Variants in CFAP44 observed in about 807,000 individuals in gnomAD.
The protein encoded by CFAP44 is cilia and flagella associated protein 44.
Under a neutral mutation model 216.2 loss-of-function variants are expected in CFAP44, and 134 were observed. That is an observed-to-expected ratio of 0.62 (90% CI 0.54 to 0.72). The LOEUF (loss-of-function observed/expected upper bound fraction) is 0.72, where lower values mean the gene tolerates loss of function less well. CFAP44 is among the 30% of genes least tolerant of loss of function. The pLI is 0.00. For missense variants in CFAP44, 2,035 were observed against 2,182.1 expected (o/e 0.93, Z 1.34); for synonymous variants, 700 against 727.6 (o/e 0.96, Z 0.61).
chr3:113,392,849 CT>C (rs748396974), intron 15 of CFAP44, among the ~76,000 whole-genome samples: 1 of 152,182 alleles, frequency 6.6e-6, no homozygotes, highest in Non-Finnish European at 1.5e-5. Flanking sequence ...TCAAAATTGT[CT>C]TCACAAAAAT....
chr3:113,402,071 T>C (rs1485275297), intron 9 of CFAP44, among the ~76,000 whole-genome samples: 2 of 152,206 alleles, frequency 1.3e-5, no homozygotes, highest in Non-Finnish European at 2.9e-5. Flanking sequence ...CATAGGAGTA[T>C]ATGGTTCAGT....
At chr3:113,383,211 T>C (rs1933559986) in intron 15 of CFAP44, among the ~76,000 whole-genome samples, 1 of 152,224 alleles carries the variant, frequency 6.6e-6, no homozygotes, top group Non-Finnish European at 1.5e-5. Context: ...GCTTCTATAA[T>C]AGAATACCAT....
intron 22 of CFAP44, among the ~76,000 whole-genome samples, chr3:113,348,230 C>A (rs1010343646): frequency 1.3e-5 from 2 of 151,984 alleles, no homozygotes; most frequent in African/African-American, 4.8e-5. Flanking sequence ...AAACCGCGGG[C>A]GGTTTTTCCT....
At chr3:113,293,003 T>A (rs1949845004) in intron 34 of CFAP44, among the ~76,000 whole-genome samples, 1 of 152,236 alleles carries the variant, frequency 6.6e-6, no homozygotes, top group African/African-American at 2.4e-5. Flanking sequence ...ATATGGGCTC[T>A]GGCATCATGG....
chr3:113,316,401 CA>C (rs1400641055), intron 28 of CFAP44, among the ~76,000 whole-genome samples: 1 of 151,856 alleles, frequency 6.6e-6, no homozygotes, highest in African/African-American at 2.4e-5. Context: ...TAAAATAAAC[CA>C]AAAGCAAGCA....
chr3:113,427,519 T>C (rs1934994990), intron 2 of CFAP44, 180 bp from the exon 3 acceptor site: 1 of 510,390 alleles, frequency 2.0e-6, no homozygotes, highest in Non-Finnish European at 3.4e-6. Flanking sequence ...AAGAAAGCCT[T>C]TTCTGTTTGT....
intron 13 of CFAP44, among the ~76,000 whole-genome samples, chr3:113,398,562 T>C (rs1195710263): frequency 2.6e-5 from 4 of 152,192 alleles, no homozygotes; most frequent in Admixed American, 2.6e-4. Flanking sequence ...AGACTTCAGT[T>C]AAGAGTGTAA....
chr3:113,287,105 G>C lies in CFAP44; in HGVS notation c.*4452C>G, dbSNP rs2399476. ...AACAGGAGTCACCCAGGAAAGCACC[G>C]CACAGGCTGGCGCGGGACAGACTCC... On this transcript the variant is annotated 3_prime_UTR_variant, in exon 35 of 35. Transcript: ENST00000393845. 1 of 523,330 alleles carries C rather than the reference G, an allele frequency of 1.9e-6. No individual in the cohort carries two copies. Among genetic ancestry groups the C allele is most frequent in the East Asian group, 5.1e-5 (1 of 19,524 alleles). The allele number at this position is 523,330 out of a possible 1,614,324, so 32.4% of individuals were successfully genotyped here.
chr3:113,409,234 C>T lies in CFAP44; in HGVS notation c.762G>A (p.Leu254=), dbSNP rs1934383511. The change falls in exon 7 of 35, where the codon CTG becomes CTA. Residue 254 remains leucine (L), a synonymous_variant. Coordinates refer to ENST00000393845, the MANE Select transcript of CFAP44 (RefSeq NM_001164496.2). ...ASVGSNPDYT[L]TIWNWKEEQP... ...GTTCTTCTTTCCAGTTCCAGATAGT[C>T]AGTGTGTAGTCAGGGTTACTACCAA... 6.2e-7 allele frequency: 1 copy of T among 1,614,134 alleles called. No homozygotes were observed. The highest frequency in any genetic ancestry group is 8.5e-7 in the Non-Finnish European group (1 of 1,180,028).
chr3:113,330,475 T>C lies in CFAP44; in HGVS notation c.3809A>G (p.Gln1270Arg). Residue 1270 changes from glutamine (Q) to arginine (R), a missense_variant, in exon 26 of 35, where the codon CAG becomes CGG. Physicochemically the swap from Gln to Arg is conservative, Grantham distance 43. Transcript: ENST00000393845. ...ATTTAGGAGAGTTTCTTCATCATAC[T>C]GAAATCTCTTTTCTGGAACTTCTTC... ...HPEEVPEKRF[Q>R]YDEETLLNFK... 1 of 1,537,250 alleles carries C rather than the reference T, an allele frequency of 6.5e-7. No individual in the cohort carries two copies. The highest frequency in any genetic ancestry group is 8.7e-7 in the Non-Finnish European group (1 of 1,146,876).
intron 15 of CFAP44, 66 bp from the exon 16 acceptor site, chr3:113,381,126 T>A: frequency 8.6e-7 from 1 of 1,166,696 alleles, no homozygotes. Context: ...TTAAAGAGAT[T>A]ATAAATAAAA....
At chr3:113,398,829 T>C (rs1934060671) in intron 13 of CFAP44, among the ~76,000 whole-genome samples, 2 of 152,242 alleles carry the variant, frequency 1.3e-5, no homozygotes, top group Non-Finnish European at 2.9e-5. Context: ...TTTAAAAATA[T>C]GGCTGCAAAT....
intron 7 of CFAP44, among the ~76,000 whole-genome samples, chr3:113,408,250 AAG>A (rs1466952843): frequency 1.3e-5 from 2 of 152,196 alleles, no homozygotes; most frequent in African/African-American, 4.8e-5. Context: ...AAGTGGAAGA[AAG>A]AGAGAGAAAG....
Position 113,291,565 on chromosome 3 carries a change from C to G in CFAP44, c.5557G>C (p.Asp1853His), listed in dbSNP as rs2107783591. ...SPREKEIQPA[D>H]L is the part of the protein sequence containing the mutation. Reference sequence around the variant, plus strand: ...TTGAGAAAATAGCAAACTCAAAGGTCTGCGGGCTGTATCTCTTTCTCTCGT... The same window carrying G: ...TTGAGAAAATAGCAAACTCAAAGGTGTGCGGGCTGTATCTCTTTCTCTCGT... Residue 1853 changes from aspartate (D) to histidine (H), a missense_variant, in exon 35 of 35, where the codon GAC becomes CAC. Coordinates refer to ENST00000393845, the MANE Select transcript of CFAP44 (RefSeq NM_001164496.2). 1.3e-6 allele frequency: 2 copies of G among 1,537,064 alleles called. No individual in the cohort carries two copies. The highest frequency in any genetic ancestry group is 2.4e-5 in the South Asian group (2 of 84,042).
intron 5 of CFAP44, among the ~76,000 whole-genome samples, chr3:113,419,549 AGTATCTTT>A (rs1934750695): frequency 1.3e-5 from 2 of 152,236 alleles, no homozygotes; most frequent in African/African-American, 4.8e-5. Context: ...CAAACATGAT[AGTATCTTT>A]CACTCCATAT....
At chr3:113,424,414 C>A (rs112542272) in intron 4 of CFAP44, among the ~76,000 whole-genome samples, 2 of 152,052 alleles carry the variant, frequency 1.3e-5, no homozygotes, top group Admixed American at 1.3e-4. Flanking sequence ...CCAGCCTGGA[C>A]GACAGAGCAA....
intron 11 of CFAP44, among the ~76,000 whole-genome samples, 181 bp downstream of exon 11, chr3:113,401,059 T>C (rs772465600): frequency 1.2e-4 from 18 of 152,164 alleles, no homozygotes; most frequent in Non-Finnish European, 2.4e-4. Context: ...TGTTATGAGA[T>C]AGATTCTTTT....
At chr3:113,399,689 T>C (rs948900803) in intron 13 of CFAP44, among the ~76,000 whole-genome samples, 4 of 152,128 alleles carry the variant, frequency 2.6e-5, no homozygotes, top group African/African-American at 9.7e-5. Flanking sequence ...CTGTTACAAA[T>C]CTACAGGTGG....
At chr3:113,404,919 TA>T (rs996155153) in intron 8 of CFAP44, among the ~76,000 whole-genome samples, 1 of 152,192 alleles carries the variant, frequency 6.6e-6, no homozygotes. Flanking sequence ...GTTGCTAGGA[TA>T]AACAAAGTCA....
Sources: gnomAD v4.1 joint callset for allele counts (sites outside exome capture counted in the v4.1 genomes callset) on GRCh38, gnomAD v4.1.1 for gene constraint, MANE v1.5 for transcripts, NCBI Gene and HGNC (gene_info 2026-07-23, HGNC 2026-07-21) for gene names.